Variants in HCRTR2 observed in about 807,000 individuals in gnomAD.
HCRTR2 encodes orexin receptor type 2.
HCRTR2 carries 22 observed loss-of-function variants against 49.0 expected under a neutral mutation model. The observed-to-expected ratio is 0.45, with a 90% CI of 0.32 to 0.64. The LOEUF (loss-of-function observed/expected upper bound fraction) is 0.64, where lower values mean the gene tolerates loss of function less well. HCRTR2 is among the 30% of genes least tolerant of loss of function. HCRTR2 has a pLI of 0.04. For synonymous variants in HCRTR2, 236 were observed against 205.3 expected, an observed-to-expected ratio of 1.15 and a Z score of -1.28; for missense variants, 491 against 559.4, an observed-to-expected ratio of 0.88 and a Z score of 1.23.
At chr6:55,120,706 A>G (rs1039607224) in intron 1 of HCRTR2, among the ~76,000 whole-genome samples, 3 of 151,970 alleles carry the variant, frequency 2.0e-5, no homozygotes, top group Non-Finnish European at 2.9e-5. Flanking sequence ...AAACAGAGAC[A>G]ATTTGACTTC....
At chr6:55,211,707 A>T (rs1765698847) in intron 1 of HCRTR2, among the ~76,000 whole-genome samples, 1 of 152,060 alleles carries the variant, frequency 6.6e-6, no homozygotes. Context: ...TGCTTCACTG[A>T]CCTTTAAGCC....
chr6:55,193,489 AAAC>A lies in HCRTR2; in HGVS notation c.223+18694_223+18696del, dbSNP rs911656020. 2.3e-4 allele frequency among the ~76,000 whole-genome samples: 35 copies of A among 151,926 alleles called. No homozygotes were observed. In the East Asian group the frequency reaches 2.9e-3, roughly 13 times the overall value. ...TTTTATTATCCACAGAACGACAAAG[AAAC>A]AACAACAACAACAAAACTTTGGATT... On this transcript the variant is annotated intron_variant, in intron 1 of 6. Transcript: ENST00000370862.
Position 55,282,466 on chromosome 6 carries a change from A to G in HCRTR2, c.*12A>G. The G allele has an allele frequency of 2.2e-6, 3 of 1,390,810 alleles. No individual in the cohort carries two copies. Among genetic ancestry groups the G allele is most frequent in the African/African-American group, 1.4e-5 (1 of 70,460 alleles). 86.2% of individuals were successfully genotyped at this position (1,390,810 alleles called of 1,614,324 possible). On this transcript the variant is annotated 3_prime_UTR_variant, in exon 7 of 7. Transcript: ENST00000370862. ...TTCAAAACTGGTAGAATATTTATTC[A>G]TATGACAAGGATACCTGAGTAAAAC...
At chr6:55,131,954 C>T (rs1026060368) in intron 1 of HCRTR2, among the ~76,000 whole-genome samples, 1 of 151,660 alleles carries the variant, frequency 6.6e-6, no homozygotes, top group Admixed American at 6.6e-5. Context: ...AAAGGCAATG[C>T]GTTTTAGGGG....
rs542533130 is a variant in HCRTR2, at chr6:55,244,399, G to A, written c.224-4240G>A. Reference sequence around the variant, plus strand: ...AGTACAGACAGGCACAACGCATGGGGAAACTATTAGGAGGTCACTGCAATA... The same window carrying A: ...AGTACAGACAGGCACAACGCATGGGAAAACTATTAGGAGGTCACTGCAATA... On this transcript the variant is annotated intron_variant, in intron 1 of 6. Transcript: ENST00000370862. Among the ~76,000 whole-genome samples, 109 of 152,042 alleles carry A rather than the reference G, an allele frequency of 7.2e-4. 1 individual carries two copies. The South Asian group carries it at 0.022, about 30-fold the overall frequency.
chr6:55,221,883 A>G (rs1423742253), intron 1 of HCRTR2, among the ~76,000 whole-genome samples: 1 of 152,088 alleles, frequency 6.6e-6, no homozygotes, highest in Non-Finnish European at 1.5e-5. Flanking sequence ...GTTTTATACC[A>G]TTGGTTTTGG....
In HCRTR2 at chr6:55,200,277, GT is replaced by G. The variant is rs199648560; in HGVS notation, c.223+25472del. Among the ~76,000 whole-genome samples the G allele has an allele frequency of 7.1e-5, 8 of 112,626 alleles. No individual in the cohort carries two copies. In the East Asian group the frequency reaches 1.4e-3, roughly 20 times the overall value. 73.9% of individuals were successfully genotyped at this position (112,626 alleles called of 152,430 possible). A position where few individuals can be genotyped will look rare whatever the true frequency, so the allele number is the denominator to read the frequency against. ...TGTGTGTGTGTGTGTGTGTGTGTGT[GT>G]TTTTGAAACGGAGTCTTGCTCTGTC... On this transcript the variant is annotated intron_variant, in intron 1 of 6. Coordinates refer to ENST00000370862, the MANE Select transcript of HCRTR2 (RefSeq NM_001384272.1).
At chr6:55,227,471 G>C (rs544326459) in intron 1 of HCRTR2, among the ~76,000 whole-genome samples, 3 of 152,250 alleles carry the variant, frequency 2.0e-5, no homozygotes, top group Admixed American at 2.0e-4. Flanking sequence ...ATAAAAACCT[G>C]TTCTAATTTT....
At chr6:55,215,195 C>T (rs953438585) in intron 1 of HCRTR2, among the ~76,000 whole-genome samples, 1 of 152,058 alleles carries the variant, frequency 6.6e-6, no homozygotes. Context: ...AAAATAGTGA[C>T]TCATCAGATA....
chr6:55,124,918 G>A (rs1471584633), intron 1 of HCRTR2, among the ~76,000 whole-genome samples: 2 of 148,816 alleles, frequency 1.3e-5, no homozygotes, highest in African/African-American at 4.9e-5. Context: ...CCAGAGATTA[G>A]GATACCAACT....
At chr6:55,126,190 A>C (rs1269235997) in intron 1 of HCRTR2, among the ~76,000 whole-genome samples, 1 of 152,154 alleles carries the variant, frequency 6.6e-6, no homozygotes, top group Non-Finnish European at 1.5e-5. Context: ...TTGGAGGAGA[A>C]GAGGTGCTCT....
At chr6:55,264,846 A>AT (rs1465922970) in intron 4 of HCRTR2, among the ~76,000 whole-genome samples, 2 of 152,098 alleles carry the variant, frequency 1.3e-5, no homozygotes, top group African/African-American at 4.8e-5. Flanking sequence ...TCTCTGACAC[A>AT]TTTTATCCAA....
chr6:55,121,466 TTC>T (rs773168757), intron 1 of HCRTR2, among the ~76,000 whole-genome samples: 1 of 152,178 alleles, frequency 6.6e-6, no homozygotes, highest in Non-Finnish European at 1.5e-5. Flanking sequence ...TATGCTTTAT[TTC>T]TTTCTCTTGC....
intron 1 of HCRTR2, among the ~76,000 whole-genome samples, chr6:55,223,178 T>C (rs758563028): frequency 1.3e-5 from 2 of 152,302 alleles, no homozygotes; most frequent in African/African-American, 2.4e-5. Context: ...GTTAATCTCC[T>C]AAAATTATTG....
intron 1 of HCRTR2, among the ~76,000 whole-genome samples, chr6:55,240,221 G>T (rs948344608): frequency 1.3e-5 from 2 of 151,658 alleles, no homozygotes; most frequent in Non-Finnish European, 2.9e-5. Flanking sequence ...AGCCAGGCGC[G>T]GTGGCGGGCG....
intron 2 of HCRTR2, among the ~76,000 whole-genome samples, chr6:55,249,105 C>T (rs369195772): frequency 6.6e-6 from 1 of 151,880 alleles, no homozygotes; most frequent in Non-Finnish European, 1.5e-5. Flanking sequence ...TTTTTTTATT[C>T]CAAATTTGAT....
intron 1 of HCRTR2, among the ~76,000 whole-genome samples, chr6:55,145,624 C>A (rs985093344): frequency 8.6e-5 from 13 of 151,964 alleles, no homozygotes; most frequent in Non-Finnish European, 1.5e-4. Context: ...ACCGTGTTAG[C>A]CAGGATGGTC....
intron 1 of HCRTR2, among the ~76,000 whole-genome samples, chr6:55,238,403 CAT>C (rs148074959): frequency 0.014 from 2,145 of 152,242 alleles, 47 homozygotes; most frequent in African/African-American, 0.048. Context: ...AACATAAAGA[CAT>C]ATATTTTCCA....
chr6:55,171,465 C>T (rs976756143), upstream of HCRTR2, among the ~76,000 whole-genome samples: 1 of 152,088 alleles, frequency 6.6e-6, no homozygotes, highest in Non-Finnish European at 1.5e-5. Context: ...AAATTCCTTT[C>T]TTATGTTTCA....
Sources: gnomAD v4.1 joint callset for allele counts (sites outside exome capture counted in the v4.1 genomes callset) on GRCh38, gnomAD v4.1.1 for gene constraint, MANE v1.5 for transcripts, NCBI Gene and HGNC (gene_info 2026-07-23, HGNC 2026-07-21) for gene names.